Variants in ZNF804A observed in about 807,000 individuals in gnomAD.
The protein encoded by ZNF804A is zinc finger protein 804A.
In ZNF804A, 2 loss-of-function variants were observed where a neutral mutation model predicts 16.5. The ratio of observed to expected loss-of-function variants is 0.12; its 90% CI spans 0.05 to 0.38. ZNF804A has a LOEUF of 0.38. Among genes scored for constraint, ZNF804A ranks in the 10% least tolerant of loss-of-function variants. The pLI, the probability that ZNF804A is intolerant of heterozygous loss-of-function variation, is 0.99. For missense variants in ZNF804A, 1,473 were observed against 1,390.7 expected (o/e 1.06, Z -0.94); for synonymous variants, 534 against 489.6 (o/e 1.09, Z -1.20).
chr2:184,908,037 A>T (rs1685303272), intron 2 of ZNF804A, among the ~76,000 whole-genome samples: 1 of 152,140 alleles, frequency 6.6e-6, no homozygotes, highest in Admixed American at 6.6e-5. Context: ...GAAAATAATT[A>T]TATCTTGGGT....
At chr2:184,835,145 T>C (rs1442650100) in intron 1 of ZNF804A, among the ~76,000 whole-genome samples, 2 of 152,000 alleles carry the variant, frequency 1.3e-5, no homozygotes, top group Non-Finnish European at 1.5e-5. Context: ...AGCCCCAAAA[T>C]TGGGGTTTGT....
intron 1 of ZNF804A, among the ~76,000 whole-genome samples, chr2:184,726,072 G>A (rs747361961): frequency 6.6e-6 from 1 of 151,680 alleles, no homozygotes; most frequent in Non-Finnish European, 1.5e-5. Flanking sequence ...TGGGGCTACT[G>A]CAAATGAAAC....
At chr2:184,886,789 C>T (rs1157451645) in intron 2 of ZNF804A, among the ~76,000 whole-genome samples, 1 of 152,238 alleles carries the variant, frequency 6.6e-6, no homozygotes, top group Non-Finnish European at 1.5e-5. Flanking sequence ...CACCAAGTCC[C>T]TAGGCTGCAC....
intron 1 of ZNF804A, among the ~76,000 whole-genome samples, chr2:184,849,989 C>T (rs1447680741): frequency 6.6e-6 from 1 of 151,756 alleles, no homozygotes; most frequent in Non-Finnish European, 1.5e-5. Flanking sequence ...TGTGTATGTT[C>T]TCACTCATAT....
At chr2:184,617,335 G>A (rs1691341494) in intron 1 of ZNF804A, among the ~76,000 whole-genome samples, 1 of 151,946 alleles carries the variant, frequency 6.6e-6, no homozygotes, top group Non-Finnish European at 1.5e-5. Flanking sequence ...TGCATTCATA[G>A]TATTCAATAA....
chr2:184,812,641 G>A (rs1694920181), intron 1 of ZNF804A, among the ~76,000 whole-genome samples: 1 of 152,018 alleles, frequency 6.6e-6, no homozygotes, highest in South Asian at 2.1e-4. Context: ...TTACAATAGG[G>A]GTGTGCGGGC....
intron 2 of ZNF804A, among the ~76,000 whole-genome samples, chr2:184,929,323 A>T (rs985898374): frequency 2.0e-5 from 3 of 152,202 alleles, no homozygotes; most frequent in African/African-American, 7.2e-5. Context: ...AAATAGTGAA[A>T]GTCCTGGCAT....
chr2:184,766,730 C>T (rs1694135551), intron 1 of ZNF804A, among the ~76,000 whole-genome samples: 1 of 151,686 alleles, frequency 6.6e-6, no homozygotes, highest in Admixed American at 6.6e-5. Context: ...GATATTTATA[C>T]ATTCATATTG....
chr2:184,688,043 C>T (rs1434478851), intron 1 of ZNF804A, among the ~76,000 whole-genome samples: 2 of 152,174 alleles, frequency 1.3e-5, no homozygotes, highest in Middle Eastern at 3.4e-3. Context: ...TGCTTGAACC[C>T]GGGAGGCAGA....
At chr2:184,751,760 C>A (rs1286692782) in intron 1 of ZNF804A, among the ~76,000 whole-genome samples, 1 of 151,466 alleles carries the variant, frequency 6.6e-6, no homozygotes, top group Non-Finnish European at 1.5e-5. Flanking sequence ...CCAGAACCAA[C>A]AAGTAACTCA....
chr2:184,819,505 A>G (rs1307492990), intron 1 of ZNF804A, among the ~76,000 whole-genome samples: 1 of 152,028 alleles, frequency 6.6e-6, no homozygotes, highest in African/African-American at 2.4e-5. Context: ...TCACAACAAA[A>G]GTAACTAGAG....
intron 1 of ZNF804A, among the ~76,000 whole-genome samples, chr2:184,709,105 T>C (rs1022002768): frequency 1.1e-4 from 16 of 152,138 alleles, no homozygotes; most frequent in African/African-American, 4.8e-5. Context: ...TACATCACCA[T>C]GTGAAATGAC....
rs1685575484 is a variant in ZNF804A at position 184,924,301 on chromosome 2, A to G, written c.256-9302A>G. On this transcript the variant is annotated intron_variant, in intron 2 of 3. Transcript: ENST00000302277. ...AGTTCTTCATGGTTCAGTAGCTTGT[A>G]TATGTCTAGGAATTTGTGCATTTCT... 3.3e-5 allele frequency among the ~76,000 whole-genome samples: 5 copies of G among 151,636 alleles called. No individual in the cohort carries two copies. In the South Asian group the frequency reaches 1.0e-3, roughly 31 times the overall value.
At chr2:184,910,500 AT>A (rs1457549279) in intron 2 of ZNF804A, among the ~76,000 whole-genome samples, 1 of 152,060 alleles carries the variant, frequency 6.6e-6, no homozygotes, top group Non-Finnish European at 1.5e-5. Flanking sequence ...CAATAATGAA[AT>A]TGCTGAGTCA....
intron 1 of ZNF804A, among the ~76,000 whole-genome samples, chr2:184,676,158 T>A (rs1692425451): frequency 6.6e-6 from 1 of 151,710 alleles, no homozygotes; most frequent in South Asian, 2.1e-4. Context: ...TATAATTCTA[T>A]CCCCTGAGAT....
In ZNF804A at chr2:184,604,103, C is replaced by CACTTCTGCACCAATA. The variant is rs537457255; in HGVS notation, c.111+5034_111+5048dup. 8.4e-3 allele frequency among the ~76,000 whole-genome samples: 1,177 copies of CACTTCTGCACCAATA among 140,030 alleles called. 8 individuals are homozygous for CACTTCTGCACCAATA. The highest frequency in any genetic ancestry group is 0.013 in the Non-Finnish European group (857 of 66,200). 91.9% of individuals were successfully genotyped at this position (140,030 alleles called of 152,430 possible). ...ATAGCGATATAATGTCTTGACTTCT[C>CACTTCTGCACCAATA]ACTTCTGCACCAATAGTTTCAGGTT... On this transcript the variant is annotated intron_variant, in intron 1 of 3. Coordinates refer to ENST00000302277, the MANE Select transcript of ZNF804A (RefSeq NM_194250.2).
At chr2:184,810,594 C>T in intron 1 of ZNF804A, among the ~76,000 whole-genome samples, 1 of 151,218 alleles carries the variant, frequency 6.6e-6, no homozygotes, top group East Asian at 2.0e-4. Flanking sequence ...AGGTTCACGC[C>T]ATTCTCCTGT....
chr2:184,862,606 T>G (rs72905795), intron 1 of ZNF804A, among the ~76,000 whole-genome samples: 7,667 of 152,258 alleles, frequency 0.05, 254 homozygotes, highest in Middle Eastern at 0.078. Context: ...ATAATTTTAT[T>G]TAAGTGAAAA....
At chr2:184,812,599 A>G (rs191654063) in intron 1 of ZNF804A, among the ~76,000 whole-genome samples, 60 of 152,266 alleles carry the variant, frequency 3.9e-4, no homozygotes, top group African/African-American at 1.4e-3. Context: ...AAATGAAAGG[A>G]AAAAAGGGGA....
Sources: allele counts gnomAD v4.1 joint callset (sites outside exome capture counted in the v4.1 genomes callset), GRCh38; gene constraint gnomAD v4.1.1; transcripts MANE v1.5; gene names NCBI Gene and HGNC (gene_info 2026-07-23, HGNC 2026-07-21).